IFT122: variants seen among roughly 807,000 people sequenced by gnomAD.
The protein encoded by IFT122 is intraflagellar transport 122, also known as intraflagellar transport protein 122 homolog.
A neutral mutation model predicts 161.6 loss-of-function variants in IFT122; 118 were observed. That is an observed-to-expected ratio of 0.73 (90% CI 0.63 to 0.85). IFT122 has a LOEUF of 0.85. Ranked by LOEUF, IFT122 falls within the 40% of genes least tolerant of loss-of-function variation. The pLI is 0.00. For missense variants in IFT122, 1,381 were observed against 1,579.6 expected (o/e 0.87, Z 2.13); for synonymous variants, 550 against 602.4 (o/e 0.91, Z 1.27).
intron 18 of IFT122, among the ~76,000 whole-genome samples, chr3:129,496,130 C>G (rs1371919737): frequency 6.6e-6 from 1 of 152,140 alleles, no homozygotes; most frequent in Non-Finnish European, 1.5e-5. Context: ...GCATGCCTCA[C>G]GCCTGCCGGC....
chr3:129,497,460 C>T (rs1192614139), intron 18 of IFT122, among the ~76,000 whole-genome samples: 3 of 152,138 alleles, frequency 2.0e-5, no homozygotes, highest in East Asian at 3.8e-4. Context: ...ATTAGAAATG[C>T]CAACCTGTAG....
In IFT122 at chr3:129,449,903, C is replaced by T; in HGVS notation, c.74C>T (p.Thr25Ile). ...GACATCGCATTTAAGCCTGATGGAA[C>T]TCAACTGATTTTGGCTGCCGGAAGC... ...INDIAFKPDG[T>I]QLILAAGSRL... The change falls in exon 2 of 30, where the codon ACT (threonine) becomes ATT (isoleucine). Residue 25 changes from threonine to isoleucine, a missense_variant. This residue lies in a region of IFT122 where 134 missense variants were observed against 137.4 expected (regional missense o/e 0.98). Coordinates refer to ENST00000348417, the MANE Select transcript of IFT122 (RefSeq NM_052989.3). 1 of 1,613,436 alleles carries T rather than the reference C, an allele frequency of 6.2e-7. No individual in the cohort carries two copies. The highest frequency in any genetic ancestry group is 8.5e-7 in the Non-Finnish European group (1 of 1,179,460).
chr3:129,505,670 G>C (rs1219342047), intron 21 of IFT122, among the ~76,000 whole-genome samples: 1 of 152,220 alleles, frequency 6.6e-6, no homozygotes, highest in African/African-American at 2.4e-5. Context: ...ATGGCTACAA[G>C]TGCTTCACTG....
At chr3:129,515,323 C>T in intron 25 of IFT122, 165 bp from the exon 26 acceptor site, 1 of 692,514 alleles carries the variant, frequency 1.4e-6, no homozygotes, top group Non-Finnish European at 2.7e-6. Flanking sequence ...CTTTATCCTG[C>T]TTCCCCATGG....
chr3:129,517,773 A>T (rs2084174019), intron 27 of IFT122, among the ~76,000 whole-genome samples, 179 bp downstream of exon 27: 1 of 152,186 alleles, frequency 6.6e-6, no homozygotes, highest in South Asian at 2.1e-4. Context: ...ATGGGCAGAC[A>T]GCTGGCCAGG....
intron 3 of IFT122, among the ~76,000 whole-genome samples, chr3:129,458,234 A>C (rs1215671452): frequency 6.6e-6 from 1 of 152,214 alleles, no homozygotes; most frequent in Non-Finnish European, 1.5e-5. Flanking sequence ...ATTCTCTTTC[A>C]TAGGATCCGT....
chr3:129,443,123 C>T (rs987584192), intron 1 of IFT122, among the ~76,000 whole-genome samples: 1 of 152,186 alleles, frequency 6.6e-6, no homozygotes, highest in African/African-American at 2.4e-5. Flanking sequence ...CATGTTTAAT[C>T]TCTACAACAT....
chr3:129,482,221 G>GC (rs1475837933), intron 14 of IFT122, among the ~76,000 whole-genome samples: 1 of 152,226 alleles, frequency 6.6e-6, no homozygotes, highest in East Asian at 1.9e-4. Flanking sequence ...AATGCGAAGT[G>GC]CTTGGATCTT....
chr3:129,519,193 G>C lies in IFT122; in HGVS notation c.3471+7G>C. ...AGCTAAGCTGAGCTTTGAGGTGAGG[G>C]TGCCTCTCTGGGTGACCTGCAGGAG... On this transcript the variant is annotated splice_region_variant and intron_variant, in intron 28 of 29. Coordinates refer to ENST00000348417, the MANE Select transcript of IFT122 (RefSeq NM_052989.3). The C allele has an allele frequency of 6.2e-7, 1 of 1,613,064 alleles. No individual in the cohort carries two copies. The highest frequency in any genetic ancestry group is 1.3e-5 in the African/African-American group (1 of 75,046).
rs2084094121 is a variant in IFT122 at position 129,517,355 on chromosome 3, T to C, written c.3266-114T>C. ...GACTGCCCCTGCTGCCTCTTCTTGC[T>C]TTTGGTGAAGCTGCCAGTGGGTTGA... On this transcript the variant is annotated intron_variant, in intron 26 of 29. Coordinates refer to ENST00000348417, the MANE Select transcript of IFT122 (RefSeq NM_052989.3). 2.8e-6 allele frequency: 4 copies of C among 1,410,204 alleles called. No individual in the cohort carries two copies. In the East Asian group the frequency reaches 1.0e-4, roughly 35 times the overall value. The allele number at this position is 1,410,204 out of a possible 1,614,324, so 87.4% of individuals were successfully genotyped here.
At chr3:129,449,590 T>C (rs140144353) in intron 1 of IFT122, among the ~76,000 whole-genome samples, 4 of 152,322 alleles carry the variant, frequency 2.6e-5, no homozygotes, top group African/African-American at 7.2e-5. Flanking sequence ...TTAGAAGAGT[T>C]AATACCCTCA....
At chr3:129,463,212 T>C (rs1024046237) in intron 5 of IFT122, 12 of 306,748 alleles carry the variant, frequency 3.9e-5, no homozygotes, top group African/African-American at 2.6e-4. Flanking sequence ...GTGTGTATAT[T>C]ATATAGTTCT....
chr3:129,514,680 CT>C (rs2108650543), intron 25 of IFT122, 126 bp downstream of exon 25: 1 of 1,090,598 alleles, frequency 9.2e-7, no homozygotes, highest in South Asian at 1.3e-5. Flanking sequence ...TCTGTGCCCC[CT>C]GCTCAAGCCT....
rs1296437189 is a variant in IFT122 at position 129,519,149 on chromosome 3, G to C, written c.3434G>C (p.Gly1145Ala). The change falls in exon 28 of 30, where the codon GGA becomes GCA. Residue 1145 changes from glycine to alanine, a missense_variant. Gly to Ala is a moderately conservative substitution (Grantham distance 60). Around this residue, in one of 7 missense-constraint regions of IFT122, gnomAD observed 177 missense variants for 199.2 expected, o/e 0.89. Transcript: ENST00000348417. Reference sequence around the variant, plus strand: ...CTAGTGGAGACCAAGGACTCCATCGGAGATGAGGACCCGTTCACAGCTAAG... The same window carrying C: ...CTAGTGGAGACCAAGGACTCCATCGCAGATGAGGACCCGTTCACAGCTAAG... ...LRLVETKDSIGDEDPFTAKLS... is the reference protein window; with the variant it reads ...LRLVETKDSIADEDPFTAKLS... 2 of 1,614,108 alleles carry C rather than the reference G, an allele frequency of 1.2e-6. No homozygotes were observed. The highest frequency in any genetic ancestry group is 1.7e-6 in the Non-Finnish European group (2 of 1,180,002).
Position 129,512,368 on chromosome 3 carries a change from G to C in IFT122, c.2943G>C (p.Leu981=). The C allele has an allele frequency of 6.2e-7, 1 of 1,614,102 alleles. No individual in the cohort carries two copies. The highest frequency in any genetic ancestry group is 8.5e-7 in the Non-Finnish European group (1 of 1,179,962). The change falls in exon 24 of 30, where the codon CTG becomes CTC. Residue 981 remains leucine, a synonymous_variant. Transcript: ENST00000348417. ...PETLFNISRF[L]LHSLPKDTPS... ...CTCTTTTCAACATCTCCAGGTTCCT[G>C]CTGCACAGCCTGCCCAAGGACACCC...
intron 20 of IFT122, 27 bp from the exon 21 acceptor site, chr3:129,504,292 T>C: frequency 6.3e-7 from 1 of 1,581,026 alleles, no homozygotes. Flanking sequence ...GCAGCTTTAT[T>C]AAGACTTCAT....
chr3:129,519,666 G>T lies in IFT122; in HGVS notation c.3570G>T (p.Leu1190=), dbSNP rs146778076. ...DVLIKRWPPP[L]RWQYFRSLLP... The stretch of plus-strand genomic sequence containing the variant: ...TCATCAAGCGATGGCCCCCACCCCT[G>T]AGGTGGCAATACTTCCGCTCACTGC... Residue 1190 remains leucine, a synonymous_variant, in exon 29 of 30, where the codon CTG becomes CTT. Transcript: ENST00000348417. The T allele has an allele frequency of 8.6e-5, 138 of 1,613,636 alleles. No homozygotes were observed. The highest frequency in any genetic ancestry group is 1.1e-5 in the Non-Finnish European group (13 of 1,180,020).
At chr3:129,441,163 AT>A (rs1331664840) in intron 1 of IFT122, among the ~76,000 whole-genome samples, 2 of 152,216 alleles carry the variant, frequency 1.3e-5, no homozygotes, top group African/African-American at 4.8e-5. Context: ...ATTCTTACTT[AT>A]GGGATAGGTC....
At chr3:129,494,546 T>C (rs1361422480) in intron 17 of IFT122, among the ~76,000 whole-genome samples, 1 of 152,220 alleles carries the variant, frequency 6.6e-6, no homozygotes, top group African/African-American at 2.4e-5. Context: ...TCCAATATGC[T>C]GCTCTTTCTA....
Sources: gnomAD v4.1 joint callset for allele counts (sites outside exome capture counted in the v4.1 genomes callset) on GRCh38, gnomAD v4.1.1 for gene constraint, gnomAD v4.1.1 regional missense constraint, MANE v1.5 for transcripts, NCBI Gene and HGNC (gene_info 2026-07-23, HGNC 2026-07-21) for gene names.